GABBR2: variants seen among roughly 807,000 people sequenced by gnomAD.
GABBR2 encodes the protein gamma-aminobutyric acid type B receptor subunit 2.
A neutral mutation model predicts 105.6 loss-of-function variants in GABBR2; 23 were observed. The ratio of observed to expected loss-of-function variants is 0.22; its 90% CI spans 0.16 to 0.31. GABBR2 has a LOEUF of 0.31. Among genes scored for constraint, GABBR2 ranks in the 10% least tolerant of loss-of-function variants. The pLI, the probability that GABBR2 is intolerant of heterozygous loss-of-function variation, is 1.00. For synonymous variants in GABBR2, 478 were observed against 499.7 expected, an observed-to-expected ratio of 0.96 and a Z score of 0.58; for missense variants, 734 against 1,245.5, an observed-to-expected ratio of 0.59 and a Z score of 6.18.
At chr9:98,462,929 C>T (rs1826451049) in intron 6 of GABBR2, among the ~76,000 whole-genome samples, 1 of 152,196 alleles carries the variant, frequency 6.6e-6, no homozygotes, top group South Asian at 2.1e-4. Context: ...CACTTTGTTG[C>T]TCAGGCTGGA....
chr9:98,437,958 A>G (rs1476991223), intron 7 of GABBR2, among the ~76,000 whole-genome samples: 1 of 150,856 alleles, frequency 6.6e-6, no homozygotes, highest in Non-Finnish European at 1.5e-5. Flanking sequence ...CCATTCATTC[A>G]TTCACCCATG....
chr9:98,367,962 C>A (rs1831711013), intron 12 of GABBR2, among the ~76,000 whole-genome samples: 1 of 152,070 alleles, frequency 6.6e-6, no homozygotes, highest in Admixed American at 6.6e-5. Flanking sequence ...TCAACTTTAC[C>A]ATTTTAACCC....
At chr9:98,553,075 G>A (rs1046473175) in intron 2 of GABBR2, among the ~76,000 whole-genome samples, 41 of 151,670 alleles carry the variant, frequency 2.7e-4, no homozygotes, top group Admixed American at 2.4e-3. Flanking sequence ...TAGAGACAGG[G>A]GTCTCGCTAT....
intron 13 of GABBR2, among the ~76,000 whole-genome samples, chr9:98,315,286 G>A (rs921445170): frequency 6.6e-6 from 1 of 152,116 alleles, no homozygotes; most frequent in African/African-American, 2.4e-5. Flanking sequence ...GTCCTGGGGT[G>A]GCCGAGCTGC....
intron 1 of GABBR2, among the ~76,000 whole-genome samples, chr9:98,626,762 T>A (rs1471394158): frequency 1.3e-5 from 2 of 152,200 alleles, no homozygotes; most frequent in African/African-American, 4.8e-5. Context: ...TAAAGTTGCA[T>A]CCTCTGCTCT....
chr9:98,691,823 C>A (rs2131879063), intron 1 of GABBR2, among the ~76,000 whole-genome samples: 1 of 152,320 alleles, frequency 6.6e-6, no homozygotes, highest in Admixed American at 6.5e-5. Context: ...AGGTTGCTTG[C>A]AGTGAAAGGC....
At chr9:98,651,115 C>CCACACACACA (rs1372571774) in intron 1 of GABBR2, among the ~76,000 whole-genome samples, 1 of 149,630 alleles carries the variant, frequency 6.7e-6, no homozygotes, top group Non-Finnish European at 1.5e-5. Context: ...ACACACACAC[C>CCACACACACA]CACACACACA....
rs142470690 is a variant in GABBR2, at chr9:98,493,190, T to C, written c.732+3223A>G. On this transcript the variant is annotated intron_variant, in intron 4 of 18. Coordinates refer to ENST00000259455, the MANE Select transcript of GABBR2 (RefSeq NM_005458.8). Reference sequence around the variant, plus strand: ...CTTTGGCCATTGGGAGCTCTTTCAATTGGCAACTGTACTCCCTTGATACAG... The same window carrying C: ...CTTTGGCCATTGGGAGCTCTTTCAACTGGCAACTGTACTCCCTTGATACAG... Among the ~76,000 whole-genome samples the C allele has an allele frequency of 3.3e-5, 5 of 152,356 alleles. No individual in the cohort carries two copies. In the East Asian group the frequency reaches 7.7e-4, roughly 24 times the overall value.
chr9:98,294,820 T>C (rs1445824571), intron 17 of GABBR2, among the ~76,000 whole-genome samples: 1 of 152,310 alleles, frequency 6.6e-6, no homozygotes, highest in East Asian at 1.9e-4. Context: ...TTGGAACTCA[T>C]CTGAATTTGG....
intron 13 of GABBR2, among the ~76,000 whole-genome samples, chr9:98,320,281 C>G (rs1381741705): frequency 2.6e-5 from 4 of 151,790 alleles, no homozygotes; most frequent in African/African-American, 9.7e-5. Flanking sequence ...CAATGAGATA[C>G]CATCTCACAC....
chr9:98,431,037 A>G (rs910022450), intron 7 of GABBR2, among the ~76,000 whole-genome samples: 7 of 151,656 alleles, frequency 4.6e-5, no homozygotes, highest in Non-Finnish European at 1.0e-4. Flanking sequence ...CCCCAACTCC[A>G]GAACTCCAGA....
intron 7 of GABBR2, among the ~76,000 whole-genome samples, chr9:98,448,264 T>C (rs1826170381): frequency 6.6e-6 from 1 of 150,774 alleles, no homozygotes; most frequent in Non-Finnish European, 1.5e-5. Context: ...AATGGAGCCC[T>C]CTTCTCATAA....
intron 16 of GABBR2, among the ~76,000 whole-genome samples, chr9:98,302,075 G>A (rs555983007): frequency 6.6e-6 from 1 of 152,292 alleles, no homozygotes; most frequent in African/African-American, 2.4e-5. Flanking sequence ...AAATATGATT[G>A]GTTGTTGATC....
At chr9:98,481,722 T>A (rs1322880534) in intron 4 of GABBR2, among the ~76,000 whole-genome samples, 1 of 152,210 alleles carries the variant, frequency 6.6e-6, no homozygotes, top group Non-Finnish European at 1.5e-5. Context: ...CTAAGTGAAA[T>A]AGTCCTTGTA....
intron 2 of GABBR2, among the ~76,000 whole-genome samples, chr9:98,574,685 T>C (rs761191047): frequency 7.2e-5 from 11 of 152,398 alleles, no homozygotes; most frequent in Admixed American, 3.3e-4. Flanking sequence ...AACCCAGTTC[T>C]ATGTCTTATC....
intron 5 of GABBR2, among the ~76,000 whole-genome samples, chr9:98,478,693 C>T (rs913070754): frequency 6.6e-6 from 1 of 152,164 alleles, no homozygotes; most frequent in African/African-American, 2.4e-5. Context: ...GCTGGGAAAG[C>T]CACTTGGAAA....
chr9:98,407,429 G>C (rs189838039), intron 7 of GABBR2, among the ~76,000 whole-genome samples: 20 of 152,250 alleles, frequency 1.3e-4, no homozygotes, highest in Middle Eastern at 3.4e-3. Flanking sequence ...GTATCAGTTT[G>C]AAACTAATGC....
intron 3 of GABBR2, among the ~76,000 whole-genome samples, chr9:98,499,186 C>T (rs1827347331): frequency 1.3e-5 from 2 of 152,218 alleles, no homozygotes; most frequent in African/African-American, 2.4e-5. Context: ...GGCAAGGCAT[C>T]AAGGCTGCAG....
chr9:98,541,897 C>A lies in GABBR2; in HGVS notation c.606G>T (p.Thr202=), dbSNP rs200832069. The change falls in exon 3 of 19, where the codon ACG becomes ACT. Residue 202 remains threonine (T), a synonymous_variant. Coordinates refer to ENST00000259455, the MANE Select transcript of GABBR2 (RefSeq NM_005458.8). The part of the protein sequence containing the change: ...HYQWKRVGTL[T]QDVQRFSEVR... ...CCTCAGAGAACCTCTGAACGTCTTG[C>A]GTCAGCGTGCCCACGCGCTTCCACT... 1.9e-6 allele frequency: 3 copies of A among 1,614,166 alleles called. No individual in the cohort carries two copies. The highest frequency in any genetic ancestry group is 8.5e-7 in the Non-Finnish European group (1 of 1,179,966).
Sources: allele counts gnomAD v4.1 joint callset (sites outside exome capture counted in the v4.1 genomes callset), GRCh38; gene constraint gnomAD v4.1.1; transcripts MANE v1.5; gene names NCBI Gene and HGNC (gene_info 2026-07-23, HGNC 2026-07-21).